The following NBPF20 variants were observed in gnomAD, a reference collection of about 807,000 sequenced individuals.
NBPF20 encodes the protein NBPF family member NBPF20.
Under a neutral mutation model 68.1 loss-of-function variants are expected in NBPF20, and 90 were observed. The ratio of observed to expected loss-of-function variants is 1.32; its 90% CI spans 1.11 to 1.58. NBPF20 has a LOEUF of 1.58. Ranked by LOEUF, NBPF20 falls within the 40% of genes most tolerant of loss-of-function variation. The pLI is 0.00. For missense variants in NBPF20, 816 were observed against 601.2 expected, an observed-to-expected ratio of 1.36 and a Z score of -3.74; for synonymous variants, 290 against 228.1, an observed-to-expected ratio of 1.27 and a Z score of -2.45.
intron 2 of NBPF20, among the ~76,000 whole-genome samples, 167 bp downstream of exon 7, chr1:145,404,927 CTAAA>C (rs1358854578): frequency 2.6e-5 from 4 of 151,784 alleles, no homozygotes; most frequent in Admixed American, 2.0e-4. Context: ...TGGAAAGTTG[CTAAA>C]TACTTTGGTA....
chr1:145,291,311 C>A (rs1453199174), exon 138 of NBPF20: 2 of 718,788 alleles, frequency 2.8e-6, no homozygotes, highest in Non-Finnish European at 4.6e-6. Context: ...GCATGTGCTG[C>A]ACAGTTATGT....
At chr1:145,394,569 G>C (rs1435743784) in intron 8 of NBPF20, among the ~76,000 whole-genome samples, 2 of 152,042 alleles carry the variant, frequency 1.3e-5, no homozygotes, top group East Asian at 1.9e-4. Context: ...CACTGGCCTT[G>C]GGCGGGTAAA....
the NBPF20 span, among the ~76,000 whole-genome samples, chr1:145,410,738 GTATATATATATACA>G: frequency 3.7e-5 from 5 of 134,676 alleles, no homozygotes; most frequent in African/African-American, 1.1e-4. Flanking sequence ...GCCTGTCTGT[GTATATATATATACA>G]TATATATATA....
chr1:145,291,313 C>G (rs1488749568), exon 138 of NBPF20: 5 of 724,680 alleles, frequency 6.9e-6, no homozygotes, highest in African/African-American at 5.3e-5. Context: ...ATGTGCTGCA[C>G]AGTTATGTGA....
At chr1:145,410,488 T>C (rs1271422696), upstream of NBPF20, among the ~76,000 whole-genome samples, 2 of 150,840 alleles carry the variant, frequency 1.3e-5, no homozygotes, top group Non-Finnish European at 3.0e-5. Flanking sequence ...CTATTTTTTG[T>C]AGTTTTAGTA....
chr1:145,406,139 G>C (rs587678770), upstream of NBPF20, among the ~76,000 whole-genome samples: 4 of 129,948 alleles, frequency 3.1e-5, no homozygotes, highest in Admixed American at 8.8e-5. Flanking sequence ...GTTTCACTGT[G>C]TTAGCCACGA....
intron 8 of NBPF20, among the ~76,000 whole-genome samples, chr1:145,394,464 T>G (rs1662115584): frequency 6.6e-6 from 1 of 152,002 alleles, no homozygotes; most frequent in Non-Finnish European, 1.5e-5. Context: ...GATGGACAGA[T>G]GAGCTAAAAC....
rs1341342239 is a variant in NBPF20 at position 145,394,927 on chromosome 1, C to A, written c.991+51G>T. On this transcript the variant is annotated intron_variant, in intron 8 of 137. Transcript: ENST00000369373. ...GCACAAGGCCCAAAGATTATGGGGT[C>A]TACCTGGGCCATGAACTGGAGCTTT... The A allele has an allele frequency of 9.3e-5, 149 of 1,608,362 alleles. No individual in the cohort carries two copies. The African/African-American group carries it at 1.1e-3, about 12-fold the overall frequency.
intron 136 of NBPF20, among the ~76,000 whole-genome samples, 164 bp from the exon 142 acceptor site, chr1:145,292,653 T>G (rs1410349530): frequency 6.8e-6 from 1 of 148,044 alleles, no homozygotes; most frequent in African/African-American, 2.6e-5. Flanking sequence ...ATGATAGAAC[T>G]TCCTCGGTTT....
the NBPF20 span, among the ~76,000 whole-genome samples, chr1:145,424,664 C>T: frequency 2.0e-5 from 3 of 152,304 alleles, no homozygotes; most frequent in Admixed American, 2.0e-4. Context: ...TCTTGGTTAA[C>T]TCTTCGGAGA....
chr1:145,393,447 A>T (rs1173247535), intron 9 of NBPF20, among the ~76,000 whole-genome samples: 1 of 133,854 alleles, frequency 7.5e-6, no homozygotes, highest in Admixed American at 7.7e-5. Flanking sequence ...ACACACTCAC[A>T]CACACACACA....
chr1:145,291,212 G>C (rs1354529370), exon 138 of NBPF20: 9 of 510,872 alleles, frequency 1.8e-5, no homozygotes, highest in South Asian at 1.1e-4. Context: ...GAAGCTCAGA[G>C]ACATGCCTGC....
the NBPF20 span, among the ~76,000 whole-genome samples, chr1:145,419,081 G>GAGGA: frequency 7.7e-3 from 1,026 of 132,780 alleles, 6 homozygotes; most frequent in Non-Finnish European, 0.01. Context: ...GGAAGGGAGG[G>GAGGA]AGGAAGGAAG....
Position 145,400,909 on chromosome 1 carries a change from G to A in NBPF20, c.566+150C>T, listed in dbSNP as rs1345075877. The A allele has an allele frequency of 1.5e-4, 152 of 1,025,896 alleles. No individual in the cohort carries two copies. The Middle Eastern group carries it at 2.1e-3, about 14-fold the overall frequency. The allele number at this position is 1,025,896 out of a possible 1,614,324, so 63.5% of individuals were successfully genotyped here. A position where few individuals can be genotyped will look rare whatever the true frequency, so the allele number is the denominator to read the frequency against. On this transcript the variant is annotated intron_variant, in intron 5 of 137. Coordinates refer to ENST00000369373, the Ensembl canonical transcript of NBPF20. Reference sequence around the variant, plus strand: ...CACACAGAGAAACATGACAGCTGCCGCACCCTGTGTCTAAGCTGGGTTATA... The same window carrying A: ...CACACAGAGAAACATGACAGCTGCCACACCCTGTGTCTAAGCTGGGTTATA...
At chr1:145,407,602 T>C (rs1662859834), upstream of NBPF20, among the ~76,000 whole-genome samples, 1 of 148,792 alleles carries the variant, frequency 6.7e-6, no homozygotes, top group Non-Finnish European at 1.5e-5. Flanking sequence ...ATATATATTT[T>C]TCTTTTTTAA....
At chr1:145,291,358 G>A (rs1216703823) in exon 138 of NBPF20, 5 of 1,473,526 alleles carry the variant, frequency 3.4e-6, no homozygotes, top group South Asian at 2.6e-5. Context: ...ATTGTCTTCA[G>A]ACTGAGCACA....
chr1:145,291,811 C>G lies in NBPF20; in HGVS notation c.16698-42G>C, dbSNP rs782083282. ...AACTAAAGAAGCAGCCAGGGAAAAT[C>G]AGAAACCACAGAGCCCCACTAGATT... On this transcript the variant is annotated intron_variant, in intron 137 of 137. Coordinates refer to ENST00000369373, the Ensembl canonical transcript of NBPF20. 353 of 1,611,772 alleles carry G rather than the reference C, an allele frequency of 2.2e-4. 4 individuals carry two copies. In the South Asian group the frequency reaches 3.2e-3, roughly 15 times the overall value.
Position 145,291,849 on chromosome 1 carries a change from T to A in NBPF20, c.16698-80A>T, listed in dbSNP as rs587773376. The A allele has an allele frequency of 4.7e-4, 750 of 1,608,696 alleles. 4 individuals are homozygous for A. In the African/African-American group the frequency reaches 8.2e-3, roughly 17 times the overall value. Reference sequence around the variant, plus strand: ...GCCCCACTAGATTTCAGAAGTCACATAAGGAAGTGGTTAGAAAAGAAAAAG... The same window carrying A: ...GCCCCACTAGATTTCAGAAGTCACAAAAGGAAGTGGTTAGAAAAGAAAAAG... On this transcript the variant is annotated intron_variant, in intron 137 of 137. Transcript: ENST00000369373.
At chr1:145,420,132 T>G in the NBPF20 span, among the ~76,000 whole-genome samples, 2 of 136,744 alleles carry the variant, frequency 1.5e-5, no homozygotes, top group African/African-American at 5.6e-5. Flanking sequence ...AGAAAGCAGG[T>G]GAAAGGGGAC....
Sources: gnomAD v4.1 joint callset for allele counts (sites outside exome capture counted in the v4.1 genomes callset) on GRCh38, gnomAD v4.1.1 for gene constraint, MANE v1.5 for transcripts, NCBI Gene and HGNC (gene_info 2026-07-23, HGNC 2026-07-21) for gene names.